The following SCAF1 variants were observed in gnomAD, a reference collection of about 807,000 sequenced individuals.
SCAF1 encodes SR-related CTD associated factor 1, also known as splicing factor, arginine/serine-rich 19.
Under a neutral mutation model 91.2 loss-of-function variants are expected in SCAF1, and 28 were observed. That is an observed-to-expected ratio of 0.31 (90% CI 0.23 to 0.42). The LOEUF (loss-of-function observed/expected upper bound fraction) is 0.42. Among genes scored for constraint, SCAF1 ranks in the 10% least tolerant of loss-of-function variants. The probability of loss-of-function intolerance (pLI) is 1.00; values close to 1 mark genes in which losing one functional copy is unlikely to be tolerated. For missense variants in SCAF1, 1,893 were observed against 1,872.1 expected (o/e 1.01, Z -0.21); for synonymous variants, 1,036 against 833.7 (o/e 1.24, Z -4.18).
intron 9 of SCAF1, among the ~76,000 whole-genome samples, chr19:49,657,350 C>A (rs1420434792): frequency 2.2e-5 from 3 of 139,388 alleles, no homozygotes; most frequent in Non-Finnish European, 4.6e-5. Flanking sequence ...AAAACCTAAA[C>A]TGAGTCCTCC....
upstream of SCAF1, among the ~76,000 whole-genome samples, chr19:49,641,048 G>A (rs1255270905): frequency 6.6e-6 from 1 of 152,124 alleles, no homozygotes; most frequent in Non-Finnish European, 1.5e-5. Context: ...CTTAGGTCCA[G>A]GAATTGGAGA....
chr19:49,652,916 G>A lies in SCAF1; in HGVS notation c.2527G>A (p.Glu843Lys). 6.2e-7 allele frequency: 1 copy of A among 1,613,826 alleles called. No homozygotes were observed. Among genetic ancestry groups the A allele is most frequent in the Non-Finnish European group, 8.5e-7 (1 of 1,179,976 alleles). The change falls in exon 7 of 11, where the codon GAG (glutamate) becomes AAG (lysine). Residue 843 changes from glutamate (E) to lysine (K), a missense_variant. Around this residue, in one of 5 missense-constraint regions of SCAF1, gnomAD observed 1,436 missense variants for 1,306.8 expected, o/e 1.10. Transcript: ENST00000360565. ...GTCCAAGGTGGCGGTGCTGATCCGC[G>A]AGGGTGTCAGCAGCACCACCCCGGC... is the stretch of plus-strand genomic sequence containing the variant. ...LQSKVAVLIR[E>K]GVSSTTPAKD...
chr19:49,646,030 A>G lies in SCAF1; in HGVS notation c.167-78A>G. On this transcript the variant is annotated intron_variant, in intron 3 of 10. Transcript: ENST00000360565. The surrounding 1 kb of genome is among the most constrained non-coding windows in gnomAD (Gnocchi z 5.6). ...TGGTTCCGCTGTCAGGAACTAGATC[A>G]AGCTCCTCTTTCCTCTACCCCGCAA... 7.5e-7 allele frequency: 1 copy of G among 1,325,840 alleles called. No individual in the cohort carries two copies. Among genetic ancestry groups the G allele is most frequent in the South Asian group, 1.2e-5 (1 of 84,780 alleles). 82.1% of individuals were successfully genotyped at this position (1,325,840 alleles called of 1,614,324 possible). A position where few individuals can be genotyped will look rare whatever the true frequency, so the allele number is the denominator to read the frequency against.
Position 49,646,935 on chromosome 19 carries a change from C to A in SCAF1, c.478+105C>A. Reference sequence around the variant, plus strand: ...GGTGATCATGTTATTTAGACAAAACCTTTCCCTTCTCTTCGTATTAGACGT... The same window carrying A: ...GGTGATCATGTTATTTAGACAAAACATTTCCCTTCTCTTCGTATTAGACGT... On this transcript the variant is annotated intron_variant, in intron 6 of 10. Coordinates refer to ENST00000360565, the MANE Select transcript of SCAF1 (RefSeq NM_021228.3). The surrounding 1 kb of genome is among the most constrained non-coding windows in gnomAD (Gnocchi z 5.6). 1.2e-6 allele frequency: 1 copy of A among 805,728 alleles called. No homozygotes were observed. Among genetic ancestry groups the A allele is most frequent in the Non-Finnish European group, 1.9e-6 (1 of 516,200 alleles). 49.9% of individuals were successfully genotyped at this position (805,728 alleles called of 1,614,324 possible).
Position 49,651,212 on chromosome 19 carries a change from G to T in SCAF1, c.823G>T (p.Glu275Ter). The change falls in exon 7 of 11, where the codon GAG becomes TAG. Residue 275 changes from glutamate to a stop codon, truncating the protein, a stop_gained. Transcript: ENST00000360565. LOFTEE classifies it high-confidence loss of function. Reference sequence around the variant, plus strand: ...ACCTGAGGAGGAAGAGGAGGAGGAAGAGGAAGAAGAAGAGGAAGAGGAAGA... The same window carrying T: ...ACCTGAGGAGGAAGAGGAGGAGGAATAGGAAGAAGAAGAGGAAGAGGAAGA... ...PSPEEEEEEE[E>*]EEEEEEEDEE... 6.2e-7 allele frequency: 1 copy of T among 1,613,406 alleles called. No individual in the cohort carries two copies. The highest frequency in any genetic ancestry group is 8.5e-7 in the Non-Finnish European group (1 of 1,179,850).
In SCAF1 at chr19:49,651,378, C is replaced by G. The variant is rs1249593955; in HGVS notation, c.989C>G (p.Thr330Ser). ...PRPDAQPTQP[T>S]PAPGTPPQVD... ...CCGGACGCGCAGCCCACACAGCCGA[C>G]TCCCGCCCCTGGAACGCCGCCCCAG... The change falls in exon 7 of 11, where the codon ACT becomes AGT. Residue 330 changes from threonine to serine, a missense_variant. Physicochemically the swap from Thr to Ser is moderately conservative, Grantham distance 58 (BLOSUM62 1). This residue lies in a region of SCAF1 where 1,436 missense variants were observed against 1,306.8 expected (regional missense o/e 1.10). Coordinates refer to ENST00000360565, the MANE Select transcript of SCAF1 (RefSeq NM_021228.3). 1 of 1,607,796 alleles carries G rather than the reference C, an allele frequency of 6.2e-7. No homozygotes were observed. Among genetic ancestry groups the G allele is most frequent in the East Asian group, 2.2e-5 (1 of 44,750 alleles).
chr19:49,652,990 C>T lies in SCAF1; in HGVS notation c.2601C>T (p.Ser867=). The T allele has an allele frequency of 1.9e-6, 3 of 1,613,954 alleles. No individual in the cohort carries two copies. The highest frequency in any genetic ancestry group is 2.5e-6 in the Non-Finnish European group (3 of 1,180,014). The change falls in exon 7 of 11, where the codon AGC becomes AGT. Residue 867 remains serine (S), a synonymous_variant. Transcript: ENST00000360565. The stretch of plus-strand genomic sequence containing the variant: ...TGGGCTCCATTGGCGTCAAATTCAG[C>T]CGTGACCGCGAGAGTCGCTCCCCCT... The part of the protein sequence containing the change: ...AGLGSIGVKF[S]RDRESRSPFL...
Position 49,658,420 on chromosome 19 carries a change from C to T in SCAF1, c.*21C>T, listed in dbSNP as rs543658943. The T allele has an allele frequency of 1.3e-5, 18 of 1,431,418 alleles. No individual in the cohort carries two copies. The African/African-American group carries it at 1.7e-4, about 14-fold the overall frequency. 88.7% of individuals were successfully genotyped at this position (1,431,418 alleles called of 1,614,324 possible). On this transcript the variant is annotated 3_prime_UTR_variant, in exon 11 of 11. Coordinates refer to ENST00000360565, the MANE Select transcript of SCAF1 (RefSeq NM_021228.3). ...TCTGAGAGCCCTGGCCAGCTCTTCG[C>T]CCCTCACCTCTTTGAAACTCTGGAC...
intron 6 of SCAF1, among the ~76,000 whole-genome samples, chr19:49,648,404 G>A (rs1043168154): frequency 1.3e-5 from 2 of 152,028 alleles, no homozygotes; most frequent in Non-Finnish European, 2.9e-5. Flanking sequence ...GAGCCACCAC[G>A]CCCAGCCTTT....
At position 49,645,517 on chromosome 19, in the gene SCAF1, G is replaced by A; in HGVS notation, c.166+106G>A. ...GAAGCCTCCTGGGTGCCACCCTTGTGCTGGCATGGGGAGCCAAAAATGGGC... is the reference window on the plus strand; with the variant it reads ...GAAGCCTCCTGGGTGCCACCCTTGTACTGGCATGGGGAGCCAAAAATGGGC... On this transcript the variant is annotated intron_variant, in intron 3 of 10. Transcript: ENST00000360565. This position sits in a 1 kb window ranked among gnomAD's most constrained non-coding sequence, Gnocchi z 4.6. The A allele has an allele frequency of 7.8e-7, 1 of 1,280,004 alleles. No homozygotes were observed. The highest frequency in any genetic ancestry group is 1.1e-6 in the Non-Finnish European group (1 of 915,762). The allele number at this position is 1,280,004 out of a possible 1,614,324, so 79.3% of individuals were successfully genotyped here.
In SCAF1 at chr19:49,658,468, ACCTC is replaced by A. The variant is rs1363466618; in HGVS notation, c.*76_*79del. 1 of 813,246 alleles carries A rather than the reference ACCTC, an allele frequency of 1.2e-6. No homozygotes were observed. Among genetic ancestry groups the A allele is most frequent in the Non-Finnish European group, 1.9e-6 (1 of 524,738 alleles). 50.4% of individuals were successfully genotyped at this position (813,246 alleles called of 1,614,324 possible). On this transcript the variant is annotated 3_prime_UTR_variant, in exon 11 of 11. Transcript: ENST00000360565. ...GACGTATTTATGGCTCCACCTCCCC[ACCTC>A]CCTCCCCCGTCAGTGGGATGACTGG...
At chr19:49,650,792 C>A in intron 6 of SCAF1, 76 bp from the exon 7 acceptor site, 2 of 1,228,824 alleles carry the variant, frequency 1.6e-6, no homozygotes, top group Non-Finnish European at 2.3e-6. Flanking sequence ...AGGGAGTGTC[C>A]ACGGCTGGGC....
In SCAF1 at chr19:49,651,701, C is replaced by G. The variant is rs2081092009; in HGVS notation, c.1312C>G (p.Pro438Ala). Reference sequence around the variant, plus strand: ...CCAGCCCCTTCCTCAGCCTCCCGCTCCGCGGGCCCCCGAGGGGGACGACTT... The same window carrying G: ...CCAGCCCCTTCCTCAGCCTCCCGCTGCGCGGGCCCCCGAGGGGGACGACTT... ...TAQPLPQPPA[P>A]RAPEGDDFLS... Residue 438 changes from proline to alanine, a missense_variant, in exon 7 of 11, where the codon CCG becomes GCG. Transcript: ENST00000360565. The G allele has an allele frequency of 1.4e-6, 2 of 1,387,230 alleles. No individual in the cohort carries two copies. Among genetic ancestry groups the G allele is most frequent in the Non-Finnish European group, 1.8e-6 (2 of 1,082,026 alleles). The allele number at this position is 1,387,230 out of a possible 1,614,324, so 85.9% of individuals were successfully genotyped here. A position where few individuals can be genotyped will look rare whatever the true frequency, so the allele number is the denominator to read the frequency against.
intron 6 of SCAF1, 22 bp from the exon 7 acceptor site, chr19:49,650,846 C>G: frequency 6.3e-7 from 1 of 1,590,630 alleles, no homozygotes; most frequent in Non-Finnish European, 8.6e-7. Context: ...CTGACCGCCT[C>G]TCTCTCCCTG....
At chr19:49,655,636 G>T (rs895857146) in intron 9 of SCAF1, among the ~76,000 whole-genome samples, 20 of 152,142 alleles carry the variant, frequency 1.3e-4, no homozygotes, top group African/African-American at 4.3e-4. Context: ...AAAGTGCAGG[G>T]ATTACAGGTG....
chr19:49,647,559 G>A (rs2081062746), intron 6 of SCAF1, among the ~76,000 whole-genome samples: 1 of 152,192 alleles, frequency 6.6e-6, no homozygotes, highest in South Asian at 2.1e-4. Flanking sequence ...AGAAGAAGGT[G>A]CAGTCAGCTA....
rs1407844688 is a variant in SCAF1 at position 49,651,744 on chromosome 19, AGTC to A, written c.1357_1359del (p.Ser453del). 1 of 1,336,792 alleles carries A rather than the reference AGTC, an allele frequency of 7.5e-7. No homozygotes were observed. The highest frequency in any genetic ancestry group is 9.5e-7 in the Non-Finnish European group (1 of 1,050,798). The allele number at this position is 1,336,792 out of a possible 1,614,324, so 82.8% of individuals were successfully genotyped here. On this transcript the variant is annotated inframe_deletion, in exon 7 of 11. Transcript: ENST00000360565. ...GACGACTTCTTGTCCCTGCATGCGG[AGTC>A]GGACGGCGAGGGCGCCCTGCAGGTG...
intron 9 of SCAF1, among the ~76,000 whole-genome samples, chr19:49,656,842 T>C (rs1006087275): frequency 3.9e-5 from 6 of 152,222 alleles, no homozygotes; most frequent in African/African-American, 1.2e-4. Context: ...CCATAGGTGC[T>C]GTCCCCGTTT....
At position 49,651,423 on chromosome 19, in the gene SCAF1, A is replaced by G. The variant is rs1190076794; in HGVS notation, c.1034A>G (p.Asp345Gly). 1.6e-5 allele frequency: 26 copies of G among 1,604,222 alleles called. No individual in the cohort carries two copies. The highest frequency in any genetic ancestry group is 2.1e-5 in the Non-Finnish European group (25 of 1,176,492). ...CCCCAGGTGGACTCCACCCGGGCTG[A>G]TGGAGCCATGCGCCGGCGGGTCTTC... ...TPPQVDSTRA[D>G]GAMRRRVFVV... is the part of the protein sequence containing the mutation. Residue 345 changes from aspartate (D) to glycine (G), a missense_variant, in exon 7 of 11, where the codon GAT becomes GGT. Asp to Gly is a moderately conservative substitution (Grantham distance 94). This residue lies in a region of SCAF1 where 1,436 missense variants were observed against 1,306.8 expected (regional missense o/e 1.10). Transcript: ENST00000360565.
Sources: allele counts gnomAD v4.1 joint callset (sites outside exome capture counted in the v4.1 genomes callset), GRCh38; gene constraint gnomAD v4.1.1; regional missense constraint gnomAD v4.1.1; non-coding constraint Gnocchi (gnomAD v3.1); transcripts MANE v1.5; gene names NCBI Gene and HGNC (gene_info 2026-07-23, HGNC 2026-07-21).